The following CSMD1 variants were observed in gnomAD, a reference collection of about 807,000 sequenced individuals.
CSMD1 encodes CUB and Sushi multiple domains 1.
CSMD1 carries 213 observed loss-of-function variants against 417.5 expected under a neutral mutation model. The observed-to-expected ratio is 0.51, with a 90% CI of 0.46 to 0.57. The LOEUF (loss-of-function observed/expected upper bound fraction) is 0.57. Ranked by LOEUF, CSMD1 falls within the 20% of genes least tolerant of loss-of-function variation. The pLI is 0.00. For synonymous variants in CSMD1, 2,862 were observed against 1,736.8 expected, an observed-to-expected ratio of 1.65 and a Z score of -16.11; for missense variants, 6,923 against 4,529.7, an observed-to-expected ratio of 1.53 and a Z score of -15.17.
intron 1 of CSMD1, among the ~76,000 whole-genome samples, chr8:4,863,416 G>C (rs1258209297): frequency 6.6e-6 from 1 of 152,048 alleles, no homozygotes; most frequent in Admixed American, 6.6e-5. Flanking sequence ...CTCCCCATGA[G>C]ACTCAATAGA....
intron 7 of CSMD1, among the ~76,000 whole-genome samples, chr8:3,624,215 T>C (rs866165671): frequency 3.3e-5 from 5 of 152,100 alleles, no homozygotes; most frequent in Admixed American, 6.6e-5. Flanking sequence ...AACATACACA[T>C]GGGAAGCCAT....
At chr8:4,505,828 T>C (rs1362953351) in intron 2 of CSMD1, among the ~76,000 whole-genome samples, 1 of 151,336 alleles carries the variant, frequency 6.6e-6, no homozygotes, top group Non-Finnish European at 1.5e-5. Context: ...TTAGATAGAG[T>C]CTCACTCTGT....
In CSMD1 at chr8:4,133,108, CT is replaced by C. The variant is rs576229836; in HGVS notation, c.416-101010del. Among the ~76,000 whole-genome samples, 24 of 151,988 alleles carry C rather than the reference CT, an allele frequency of 1.6e-4. No homozygotes were observed. The South Asian group carries it at 3.5e-3, about 22-fold the overall frequency. Reference sequence around the variant, plus strand: ...ACGCCACCATGCCCGGATAATTTTTCTGTATTTTTAGTAGAGAAGGGGTTTC... The same window carrying C: ...ACGCCACCATGCCCGGATAATTTTTCGTATTTTTAGTAGAGAAGGGGTTTC... On this transcript the variant is annotated intron_variant, in intron 3 of 69. Transcript: ENST00000635120.
chr8:3,501,763 T>G (rs983947059), intron 10 of CSMD1, among the ~76,000 whole-genome samples: 1 of 152,222 alleles, frequency 6.6e-6, no homozygotes, highest in Non-Finnish European at 1.5e-5. Context: ...ATTACACATT[T>G]TAAAAGAAAA....
At chr8:4,657,391 C>T (rs1804299633) in intron 1 of CSMD1, among the ~76,000 whole-genome samples, 1 of 152,140 alleles carries the variant, frequency 6.6e-6, no homozygotes, top group African/African-American at 2.4e-5. Context: ...CTTTTCCTTT[C>T]TTTCTTATTC....
intron 7 of CSMD1, among the ~76,000 whole-genome samples, chr8:3,633,050 GTC>G (rs1219659846): frequency 6.6e-6 from 1 of 152,214 alleles, no homozygotes; most frequent in Non-Finnish European, 1.5e-5. Context: ...TAGTGTTAGA[GTC>G]TGCCCTGTTG....
chr8:4,264,973 G>T (rs1378881617), intron 3 of CSMD1, among the ~76,000 whole-genome samples: 1 of 152,116 alleles, frequency 6.6e-6, no homozygotes, highest in African/African-American at 2.4e-5. Flanking sequence ...ATATGCAGCT[G>T]AATTAGCAAC....
At chr8:4,765,059 A>G (rs931954051) in intron 1 of CSMD1, among the ~76,000 whole-genome samples, 2 of 152,106 alleles carry the variant, frequency 1.3e-5, no homozygotes, top group Non-Finnish European at 2.9e-5. Flanking sequence ...GTAGAGAGCT[A>G]TCACACAGCA....
intron 4 of CSMD1, among the ~76,000 whole-genome samples, chr8:4,021,605 A>G (rs1796792124): frequency 6.6e-6 from 1 of 152,068 alleles, no homozygotes; most frequent in Non-Finnish European, 1.5e-5. Flanking sequence ...ATGCCCTCAA[A>G]TGACTTATCA....
Position 3,157,910 on chromosome 8 carries a change from A to G in CSMD1, c.5901T>C (p.Ser1967=), listed in dbSNP as rs767635359. The change falls in exon 39 of 70, where the codon TCT becomes TCC. Residue 1967 remains serine, a synonymous_variant. Coordinates refer to ENST00000635120, the MANE Select transcript of CSMD1 (RefSeq NM_033225.6). The part of the protein sequence containing the change: ...PGTVRRWNYP[S]PLCIATCGGT... ...GTGCATCCTTACCAATGCACAGGGGAGACGGATAGTTCCAACGGCGAACGG... is the reference window on the plus strand; with the variant it reads ...GTGCATCCTTACCAATGCACAGGGGGGACGGATAGTTCCAACGGCGAACGG... 7.7e-6 allele frequency: 12 copies of G among 1,554,276 alleles called. No homozygotes were observed. The highest frequency in any genetic ancestry group is 1.0e-5 in the Non-Finnish European group (12 of 1,148,328).
At chr8:3,788,987 G>C (rs1453389251) in intron 5 of CSMD1, among the ~76,000 whole-genome samples, 1 of 152,186 alleles carries the variant, frequency 6.6e-6, no homozygotes, top group East Asian at 1.9e-4. Flanking sequence ...CAAATTGTAA[G>C]TTATTTCCAC....
At chr8:3,781,432 T>TG in intron 5 of CSMD1, among the ~76,000 whole-genome samples, 1 of 152,252 alleles carries the variant, frequency 6.6e-6, no homozygotes, top group Middle Eastern at 3.4e-3. Context: ...CAGCACAGTC[T>TG]GGGGGGTTTC....
chr8:4,370,550 C>A (rs1414654154), intron 3 of CSMD1, among the ~76,000 whole-genome samples: 1 of 152,194 alleles, frequency 6.6e-6, no homozygotes, highest in Non-Finnish European at 1.5e-5. Flanking sequence ...GTTTCTTGCT[C>A]TCTTTCTCTT....
intron 2 of CSMD1, among the ~76,000 whole-genome samples, chr8:4,596,995 A>G (rs1800317428): frequency 6.6e-6 from 1 of 152,132 alleles, no homozygotes; most frequent in African/African-American, 2.4e-5. Flanking sequence ...TCCTCCCGCC[A>G]TGATTCTGAG....
chr8:4,194,093 A>G (rs1563252919), intron 3 of CSMD1, among the ~76,000 whole-genome samples: 1 of 152,164 alleles, frequency 6.6e-6, no homozygotes, highest in Non-Finnish European at 1.5e-5. Context: ...TCTACTGTAA[A>G]TGTTATGGTA....
At chr8:3,092,076 G>C (rs1236491299) in intron 47 of CSMD1, among the ~76,000 whole-genome samples, 1 of 152,100 alleles carries the variant, frequency 6.6e-6, no homozygotes, top group African/African-American at 2.4e-5. Context: ...CAGTAAAATT[G>C]AAGGTTTAAT....
intron 9 of CSMD1, among the ~76,000 whole-genome samples, chr8:3,576,658 T>G (rs1385910349): frequency 6.6e-6 from 1 of 152,170 alleles, no homozygotes; most frequent in East Asian, 1.9e-4. Context: ...CGAAACTCAG[T>G]AGGTGTGTCA....
intron 1 of CSMD1, among the ~76,000 whole-genome samples, chr8:4,848,682 G>C (rs1320624826): frequency 2.0e-5 from 3 of 151,906 alleles, no homozygotes; most frequent in African/African-American, 7.3e-5. Flanking sequence ...TGGGATTACA[G>C]GCACCCACCA....
Position 4,003,414 on chromosome 8 carries a change from A to G in CSMD1, c.611-5304T>C, listed in dbSNP as rs562158959. On this transcript the variant is annotated intron_variant, in intron 4 of 69. Transcript: ENST00000635120. ...TCTCAATAAACAAACAAACAAAAAAACAAACAAATAAATAAATAAATAAAT... is the reference window on the plus strand; with the variant it reads ...TCTCAATAAACAAACAAACAAAAAAGCAAACAAATAAATAAATAAATAAAT... 5.3e-3 allele frequency among the ~76,000 whole-genome samples: 706 copies of G among 133,836 alleles called. 6 individuals are homozygous for G. Among genetic ancestry groups the G allele is most frequent in the African/African-American group, 0.019 (690 of 37,260 alleles). 87.8% of individuals were successfully genotyped at this position (133,836 alleles called of 152,430 possible).
Sources: gnomAD v4.1 joint callset for allele counts (sites outside exome capture counted in the v4.1 genomes callset) on GRCh38, gnomAD v4.1.1 for gene constraint, MANE v1.5 for transcripts, NCBI Gene and HGNC (gene_info 2026-07-23, HGNC 2026-07-21) for gene names.